YTHDC1: variants seen among roughly 807,000 people sequenced by gnomAD.
YTHDC1 encodes the protein YTH N6-methyladenosine RNA binding protein C1, also known as YTH domain-containing protein 1.
In YTHDC1, 12 loss-of-function variants were observed where a neutral mutation model predicts 107.0. The ratio of observed to expected loss-of-function variants is 0.11; its 90% CI spans 0.07 to 0.18. The LOEUF (loss-of-function observed/expected upper bound fraction) is 0.18. YTHDC1 is among the 10% of genes least tolerant of loss of function. The pLI is 1.00. For synonymous variants in YTHDC1, 280 were observed against 289.5 expected (o/e 0.97, Z 0.33); for missense variants, 635 against 898.8 (o/e 0.71, Z 3.75).
In YTHDC1 at chr4:68,313,456, T is replaced by C. The variant is rs1373618569; in HGVS notation, c.*643A>G. On this transcript the variant is annotated 3_prime_UTR_variant, in exon 17 of 17. Transcript: ENST00000344157. ...CAATTTGGAGGGGAAGGCTAAACAA[T>C]AGCATCAACCACGCTACTGAACATA... 2.6e-5 allele frequency: 4 copies of C among 152,706 alleles called. No homozygotes were observed. The East Asian group carries it at 5.8e-4, about 22-fold the overall frequency. 9.5% of individuals were successfully genotyped at this position (152,706 alleles called of 1,614,324 possible).
At chr4:68,348,777 G>C (rs755241120) in intron 1 of YTHDC1, among the ~76,000 whole-genome samples, 28 of 152,174 alleles carry the variant, frequency 1.8e-4, no homozygotes, top group Non-Finnish European at 3.4e-4. Context: ...TAGGCACACA[G>C]AAGAGATGTG....
rs1722315461 is a variant in YTHDC1 at position 68,320,347 on chromosome 4, A to T, written c.1602-142T>A. The stretch of plus-strand genomic sequence containing the variant: ...TTTTTTTAGTGAGCAAATTATTTTA[A>T]AATTCCTACATTTTGATTCTCAAAT... On this transcript the variant is annotated intron_variant, in intron 11 of 16. Coordinates refer to ENST00000344157, the MANE Select transcript of YTHDC1 (RefSeq NM_001031732.4). 3.6e-5 allele frequency: 20 copies of T among 562,248 alleles called. No individual in the cohort carries two copies. In the South Asian group the frequency reaches 5.7e-4, roughly 16 times the overall value. 34.8% of individuals were successfully genotyped at this position (562,248 alleles called of 1,614,324 possible). A position where few individuals can be genotyped will look rare whatever the true frequency, so the allele number is the denominator to read the frequency against.
At chr4:68,341,467 T>C (rs1481612165) in intron 1 of YTHDC1, among the ~76,000 whole-genome samples, 1 of 152,022 alleles carries the variant, frequency 6.6e-6, no homozygotes, top group East Asian at 1.9e-4. Flanking sequence ...ATAACATCAA[T>C]AAACTGTGTG....
intron 12 of YTHDC1, 61 bp downstream of exon 12, chr4:68,320,062 A>AT: frequency 3.5e-6 from 5 of 1,449,130 alleles, no homozygotes; most frequent in Non-Finnish European, 3.8e-6. Context: ...GTTGTTTTTA[A>AT]TTTTTTAATT....
intron 1 of YTHDC1, among the ~76,000 whole-genome samples, chr4:68,346,465 A>G (rs1453470251): frequency 6.6e-6 from 1 of 152,148 alleles, no homozygotes; most frequent in Non-Finnish European, 1.5e-5. Context: ...CCCCCAGTCA[A>G]CTGAGTCAAT....
At chr4:68,346,977 CTGT>C (rs1190774293) in intron 1 of YTHDC1, among the ~76,000 whole-genome samples, 2 of 152,144 alleles carry the variant, frequency 1.3e-5, no homozygotes, top group Non-Finnish European at 2.9e-5. Flanking sequence ...CAGGGGAGAA[CTGT>C]TGTATAACTT....
intron 4 of YTHDC1, 51 bp from the exon 5 acceptor site, chr4:68,333,448 A>T (rs979578954): frequency 7.5e-7 from 1 of 1,335,510 alleles, no homozygotes; most frequent in Non-Finnish European, 1.1e-6. Context: ...AAACGAAGAG[A>T]AGTAATCAAA....
At chr4:68,319,988 T>C in intron 12 of YTHDC1, 135 bp downstream of exon 12, 4 of 704,200 alleles carry the variant, frequency 5.7e-6, no homozygotes, top group Non-Finnish European at 9.3e-6. Context: ...CTACTAAAAT[T>C]TCTCAAGATT....
intron 1 of YTHDC1, among the ~76,000 whole-genome samples, chr4:68,342,627 T>G (rs1466717179): frequency 6.6e-6 from 1 of 152,226 alleles, no homozygotes; most frequent in Non-Finnish European, 1.5e-5. Flanking sequence ...TTCATTTAAA[T>G]AGGTCAATGT....
At chr4:68,343,874 T>C (rs1725127624) in intron 1 of YTHDC1, among the ~76,000 whole-genome samples, 1 of 152,172 alleles carries the variant, frequency 6.6e-6, no homozygotes, top group Non-Finnish European at 1.5e-5. Context: ...GAAACAATCC[T>C]ACATTAAACA....
chr4:68,326,668 G>T (rs554273144), intron 9 of YTHDC1, among the ~76,000 whole-genome samples: 2 of 152,168 alleles, frequency 1.3e-5, no homozygotes, highest in East Asian at 3.9e-4. Context: ...TCGGCTTGCT[G>T]CAACCTCCGC....
Position 68,313,738 on chromosome 4 carries a change from T to A in YTHDC1, c.*361A>T. On this transcript the variant is annotated 3_prime_UTR_variant, in exon 17 of 17. Transcript: ENST00000344157. ...CATGTAGAAACACATCAAAGCAAAA[T>A]ATCATGGCAGTTATCAATCAAGATC... The A allele has an allele frequency of 4.4e-6, 1 of 225,530 alleles. No individual in the cohort carries two copies. Among genetic ancestry groups the A allele is most frequent in the Non-Finnish European group, 8.8e-6 (1 of 113,606 alleles). The allele number at this position is 225,530 out of a possible 1,614,324, so 14.0% of individuals were successfully genotyped here. A position where few individuals can be genotyped will look rare whatever the true frequency, so the allele number is the denominator to read the frequency against.
rs34633749 is a variant in YTHDC1, at chr4:68,346,078, C to CATATATATATATATATAT, written c.28+3630_28+3647dup. Among the ~76,000 whole-genome samples, 364 of 132,608 alleles carry CATATATATATATATATAT rather than the reference C, an allele frequency of 2.7e-3. 2 individuals are homozygous for CATATATATATATATATAT. The highest frequency in any genetic ancestry group is 6.9e-3 in the African/African-American group (235 of 34,256). 87.0% of individuals were successfully genotyped at this position (132,608 alleles called of 152,430 possible). ...GTGTGTGCACATGACTGTGTGTGTACATATATATATATATATATATATACA... is the reference window on the plus strand; with the variant it reads ...GTGTGTGCACATGACTGTGTGTGTACATATATATATATATATATATATATATATATATATATATATACA... On this transcript the variant is annotated intron_variant, in intron 1 of 16. Coordinates refer to ENST00000344157, the MANE Select transcript of YTHDC1 (RefSeq NM_001031732.4).
intron 6 of YTHDC1, among the ~76,000 whole-genome samples, 169 bp downstream of exon 6, chr4:68,332,625 T>A (rs1271488785): frequency 6.6e-6 from 1 of 152,054 alleles, no homozygotes; most frequent in Non-Finnish European, 1.5e-5. Flanking sequence ...TTCTAAAAAA[T>A]ATGCAGTAAG....
chr4:68,327,065 C>T (rs1388330459), intron 9 of YTHDC1, among the ~76,000 whole-genome samples: 1 of 151,016 alleles, frequency 6.6e-6, no homozygotes, highest in Non-Finnish European at 1.5e-5. Context: ...GGAGAAACCC[C>T]GTCTCTACTA....
chr4:68,317,136 A>G lies in YTHDC1; in HGVS notation c.1825-688T>C, dbSNP rs1715082. ...CTACTCAGGAAGCTGAGGCAGCAGG[A>G]CCACTTGTGCCCAGGAGTTCAAGGC... On this transcript the variant is annotated intron_variant, in intron 15 of 16. Transcript: ENST00000344157. Among the ~76,000 whole-genome samples the G allele has an allele frequency of 8.8e-4, 134 of 152,216 alleles. 1 individual carries two copies. Among genetic ancestry groups the G allele is most frequent in the African/African-American group, 3.2e-3 (134 of 41,528 alleles).
At chr4:68,316,248 CCA>C (rs1333618890) in intron 16 of YTHDC1, 64 bp downstream of exon 16, 3 of 1,520,106 alleles carry the variant, frequency 2.0e-6, no homozygotes, top group Non-Finnish European at 2.7e-6. Context: ...TCTGGTCTCC[CCA>C]TATTTAAGTT....
intron 11 of YTHDC1, among the ~76,000 whole-genome samples, chr4:68,321,109 CA>C (rs201885399): frequency 1.0e-3 from 155 of 149,912 alleles, no homozygotes; most frequent in African/African-American, 3.6e-3. Flanking sequence ...AAGAGTTAAA[CA>C]AAAAAAAAGT....
rs1464181868 is a variant in YTHDC1, at chr4:68,313,974, A to C, written c.*125T>G. The C allele has an allele frequency of 6.8e-6, 7 of 1,027,030 alleles. No homozygotes were observed. The highest frequency in any genetic ancestry group is 1.0e-5 in the Non-Finnish European group (7 of 694,398). 63.6% of individuals were successfully genotyped at this position (1,027,030 alleles called of 1,614,324 possible). On this transcript the variant is annotated 3_prime_UTR_variant, in exon 17 of 17. Coordinates refer to ENST00000344157, the MANE Select transcript of YTHDC1 (RefSeq NM_001031732.4). Reference sequence around the variant, plus strand: ...GCTTGGAACAAAGGGGGTCATAATAAATCCTTCTACACAATGAACTTCATA... The same window carrying C: ...GCTTGGAACAAAGGGGGTCATAATACATCCTTCTACACAATGAACTTCATA...
Sources: gnomAD v4.1 joint callset for allele counts (sites outside exome capture counted in the v4.1 genomes callset) on GRCh38, gnomAD v4.1.1 for gene constraint, MANE v1.5 for transcripts, NCBI Gene and HGNC (gene_info 2026-07-23, HGNC 2026-07-21) for gene names.